Variants in SYNE1 observed in about 807,000 individuals in gnomAD.
SYNE1 encodes the protein spectrin repeat containing nuclear envelope protein 1, also known as nesprin-1.
A neutral mutation model predicts 1,111.0 loss-of-function variants in SYNE1; 616 were observed. The observed-to-expected ratio is 0.55, with a 90% confidence interval of 0.52 to 0.59. The LOEUF (loss-of-function observed/expected upper bound fraction) is 0.59. Among genes scored for constraint, SYNE1 ranks in the 20% least tolerant of loss-of-function variants. The probability of loss-of-function intolerance (pLI) is 0.00; values close to 1 mark genes in which losing one functional copy is unlikely to be tolerated. For missense variants in SYNE1, 10,006 were observed against 10,417.0 expected, an observed-to-expected ratio of 0.96 and a Z score of 1.72; for synonymous variants, 3,855 against 3,825.8, an observed-to-expected ratio of 1.01 and a Z score of -0.28.
Position 152,450,654 on chromosome 6 carries a change from G to T in SYNE1, c.3366C>A (p.Asp1122Glu), listed in dbSNP as rs200612820. The change falls in exon 27 of 146, where the codon GAC (aspartate) becomes GAA (glutamate). Residue 1122 changes from aspartate to glutamate, a missense_variant. By Grantham distance (45) the Asp-to-Glu change is conservative. This residue lies in a region of SYNE1 where 1,971 missense variants were observed against 2,084.1 expected (regional missense o/e 0.95). Coordinates refer to ENST00000367255, the MANE Select transcript of SYNE1 (RefSeq NM_182961.4). ...IDSTYRKLME[D>E]PDKWKDYTSR... ...TAGTGTAGTCCTTCCACTTGTCTGG[G>T]TCTTCCATGAGCTTCCTGTAGGTGC... 1 of 1,614,142 alleles carries T rather than the reference G, an allele frequency of 6.2e-7. No homozygotes were observed. The highest frequency in any genetic ancestry group is 8.5e-7 in the Non-Finnish European group (1 of 1,180,030).
At chr6:152,445,686 T>C (rs764232862) in intron 29 of SYNE1, among the ~76,000 whole-genome samples, 1 of 152,076 alleles carries the variant, frequency 6.6e-6, no homozygotes, top group African/African-American at 2.4e-5. Flanking sequence ...AAATAATGAC[T>C]CTTCACTGTA....
intron 38 of SYNE1, 85 bp from the exon 39 acceptor site, chr6:152,425,632 G>T: frequency 2.0e-6 from 3 of 1,520,646 alleles, no homozygotes; most frequent in Non-Finnish European, 2.7e-6. Flanking sequence ...TTGTCCAAAG[G>T]ATTCGCATTC....
chr6:152,308,496 C>T lies in SYNE1; in HGVS notation c.17339G>A (p.Arg5780Gln), dbSNP rs76160752. 0.012 allele frequency: 19,491 copies of T among 1,614,034 alleles called. 349 individuals carry two copies. Among genetic ancestry groups the T allele is most frequent in the African/African-American group, 0.059 (4,395 of 75,018 alleles). The change falls in exon 91 of 146, where the codon CGG (arginine) becomes CAG (glutamine). Residue 5780 changes from arginine to glutamine, a missense_variant. Coordinates refer to ENST00000367255, the MANE Select transcript of SYNE1 (RefSeq NM_182961.4). Reference protein sequence around the residue: ...NIQELQAQISRHEELAQKIKG... With the variant: ...NIQELQAQISQHEELAQKIKG... Reference sequence around the variant, plus strand: ...CGCCTACATTCCTCTCACCTCATGCCGAGAAATCTGAGCCTGCAGCTCCTG... The same window carrying T: ...CGCCTACATTCCTCTCACCTCATGCTGAGAAATCTGAGCCTGCAGCTCCTG...
chr6:152,328,342 A>G (rs1041111058), intron 78 of SYNE1, among the ~76,000 whole-genome samples: 1 of 151,926 alleles, frequency 6.6e-6, no homozygotes, highest in Non-Finnish European at 1.5e-5. Context: ...AGTTAAAGGA[A>G]GTAATCCTCT....
Position 152,471,627 on chromosome 6 carries a change from C to T in SYNE1, c.1602G>A (p.Glu534=). The change falls in exon 16 of 146, where the codon GAG becomes GAA. Residue 534 remains glutamate, a synonymous_variant. Transcript: ENST00000367255. ...AGTTTTGTAGAAGCTGCTCCACTGA[C>T]TCTCTCCTCCCGTACTTAATGATCC... ...KSWIIKYGRR[E]SVEQLLQNYV... 1 of 1,614,014 alleles carries T rather than the reference C, an allele frequency of 6.2e-7. No individual in the cohort carries two copies. Among genetic ancestry groups the T allele is most frequent in the Non-Finnish European group, 8.5e-7 (1 of 1,179,888 alleles).
chr6:152,511,636 C>A (rs775568967), intron 6 of SYNE1: 5 of 1,586,346 alleles, frequency 3.2e-6, no homozygotes, highest in African/African-American at 2.7e-5. Flanking sequence ...ATACATAAAT[C>A]ATCTTTCAAA....
At chr6:152,455,843 A>G (rs1406108101) in intron 23 of SYNE1, 43 bp downstream of exon 23, 13 of 1,613,536 alleles carry the variant, frequency 8.1e-6, no homozygotes, top group Non-Finnish European at 1.1e-5. Flanking sequence ...CTCACTCTGC[A>G]TTTTCCCTGG....
At chr6:152,128,486 T>C (rs928552718) in intron 145 of SYNE1, 1 of 152,218 alleles carries the variant, frequency 6.6e-6, no homozygotes, top group African/African-American at 2.4e-5. Context: ...TTTAAAATAC[T>C]GTATGAAGAT....
rs199789633 is a variant in SYNE1 at position 152,141,373 on chromosome 6, T to C, written c.25120-44A>G. 3.2e-5 allele frequency: 51 copies of C among 1,611,954 alleles called. No individual in the cohort carries two copies. The East Asian group carries it at 1.1e-3, about 35-fold the overall frequency. ...CCGGCCCCTGTCACCCAAATCTTCA[T>C]GAGTGCAAAAGCTTCCGGGGAAAAT... is the stretch of plus-strand genomic sequence containing the variant. On this transcript the variant is annotated intron_variant, in intron 138 of 145. Transcript: ENST00000367255.
rs768417498 is a variant in SYNE1 at position 152,281,849 on chromosome 6, G to C, written c.18339C>G (p.Pro6113=). 3.1e-6 allele frequency: 5 copies of C among 1,614,106 alleles called. No homozygotes were observed. In the South Asian group the frequency reaches 4.4e-5, roughly 14 times the overall value. Reference sequence around the variant, plus strand: ...GGGCCTCCATGTCCATGGGCTCCTTGGGTGGACTCAGCGCAGTGTCCAGAG... The same window carrying C: ...GGGCCTCCATGTCCATGGGCTCCTTCGGTGGACTCAGCGCAGTGTCCAGAG... ...KATLDTALSP[P]KEPMDMEAQL... is the part of the protein sequence containing the mutation. Residue 6113 remains proline, a synonymous_variant, in exon 97 of 146, where the codon CCC becomes CCG. Transcript: ENST00000367255.
intron 97 of SYNE1, 127 bp from the exon 98 acceptor site, chr6:152,278,407 G>GT (rs2093790030): frequency 9.3e-7 from 1 of 1,070,834 alleles, no homozygotes; most frequent in African/African-American, 1.5e-5. Flanking sequence ...ATTTTTTGTA[G>GT]TTTTCCCACG....
intron 130 of SYNE1, among the ~76,000 whole-genome samples, chr6:152,165,288 G>A (rs996162477): frequency 6.6e-5 from 10 of 152,092 alleles, no homozygotes; most frequent in Admixed American, 1.3e-4. Context: ...TTTATTTTTA[G>A]TTGCTTAAAA....
In SYNE1 at chr6:152,149,688, T is replaced by A. The variant is rs1341718620; in HGVS notation, c.24451-20A>T. On this transcript the variant is annotated intron_variant, in intron 135 of 145. Transcript: ENST00000367255. ...GAAGGCCTAGGGAGTACAAATCTCA[T>A]GTGATTTTGCTATTGTTGTTGCTTA... 8 of 1,607,280 alleles carry A rather than the reference T, an allele frequency of 5.0e-6. 1 individual carries two copies. The South Asian group carries it at 7.7e-5, about 15-fold the overall frequency.
intron 3 of SYNE1, among the ~76,000 whole-genome samples, chr6:152,563,623 A>T (rs1208253188): frequency 6.6e-6 from 1 of 152,222 alleles, no homozygotes; most frequent in Non-Finnish European, 1.5e-5. Flanking sequence ...GCTGGAAAAA[A>T]TTTTAAAAAT....
At position 152,176,442 on chromosome 6, in the gene SYNE1, C is replaced by T; in HGVS notation, c.23579G>A (p.Gly7860Glu). Residue 7860 changes from glycine to glutamate, a missense_variant, in exon 130 of 146, where the codon GGA (glycine) becomes GAA (glutamate). Coordinates refer to ENST00000367255, the MANE Select transcript of SYNE1 (RefSeq NM_182961.4). ...SKASEIEYKL[G>E]KVNDRWQHLL... ...ATGCTGCCACCGGTCGTTGACCTTT[C>T]CCAGCTTGTATTCAATCTCAGATGC... 2.5e-6 allele frequency: 4 copies of T among 1,609,954 alleles called. No homozygotes were observed. The highest frequency in any genetic ancestry group is 3.4e-6 in the Non-Finnish European group (4 of 1,177,902).
intron 3 of SYNE1, among the ~76,000 whole-genome samples, chr6:152,560,266 T>C (rs998335939): frequency 1.3e-5 from 2 of 152,130 alleles, no homozygotes; most frequent in Non-Finnish European, 2.9e-5. Context: ...CTCGGGAGGC[T>C]GAGGTGGGAG....
rs762720357 is a variant in SYNE1 at position 152,256,724 on chromosome 6, C to T, written c.19014G>A (p.Leu6338=). 9.3e-6 allele frequency: 15 copies of T among 1,613,864 alleles called. No individual in the cohort carries two copies. The highest frequency in any genetic ancestry group is 4.4e-5 in the South Asian group (4 of 91,090). The part of the protein sequence containing the change: ...RPNRLLSGVP[L]YKGDVPTQDK... ...CTTGGGTTGGCACGTCCCCTTTGTA[C>T]AGTGGCACACCAGACAAGAGTCGAT... is the stretch of plus-strand genomic sequence containing the variant. Residue 6338 remains leucine, a synonymous_variant, in exon 102 of 146, where the codon CTG becomes CTA. Coordinates refer to ENST00000367255, the MANE Select transcript of SYNE1 (RefSeq NM_182961.4).
intron 59 of SYNE1, among the ~76,000 whole-genome samples, chr6:152,370,140 C>T (rs2097155715): frequency 6.6e-6 from 1 of 152,004 alleles, no homozygotes; most frequent in Admixed American, 6.6e-5. Context: ...ATTTTTCCCC[C>T]CTAACTCTCT....
chr6:152,310,697 A>T lies in SYNE1; in HGVS notation c.16887T>A (p.Asp5629Glu). The T allele has an allele frequency of 6.2e-7, 1 of 1,612,176 alleles. No individual in the cohort carries two copies. The highest frequency in any genetic ancestry group is 1.1e-5 in the South Asian group (1 of 90,978). ...MIKIRLQNLQDAAKDMKKFEA... is the reference protein window; with the variant it reads ...MIKIRLQNLQEAAKDMKKFEA... ...TTTTTTCTTTTTTTACCTTAGCTGC[A>T]TCTTGGAGGTTCTGCAAACGAATTT... Residue 5629 changes from aspartate to glutamate, a missense_variant, in exon 88 of 146, where the codon GAT becomes GAA. Physicochemically the swap from Asp to Glu is conservative, Grantham distance 45. This residue lies in a region of SYNE1 where 4,955 missense variants were observed against 5,017.2 expected (regional missense o/e 0.99). Coordinates refer to ENST00000367255, the MANE Select transcript of SYNE1 (RefSeq NM_182961.4).
Sources: gnomAD v4.1 joint callset for allele counts (sites outside exome capture counted in the v4.1 genomes callset) on GRCh38, gnomAD v4.1.1 for gene constraint, gnomAD v4.1.1 regional missense constraint, MANE v1.5 for transcripts, NCBI Gene and HGNC (gene_info 2026-07-23, HGNC 2026-07-21) for gene names.